Variants in MED27 observed in about 807,000 individuals in gnomAD.
The protein encoded by MED27 is mediator complex subunit 27.
MED27 carries 30 observed loss-of-function variants against 38.2 expected under a neutral mutation model. That is an observed-to-expected ratio of 0.79 (90% CI 0.59 to 1.07). The LOEUF (loss-of-function observed/expected upper bound fraction) is 1.07. Among genes scored for constraint, MED27 ranks in the 50% least tolerant of loss-of-function variants. MED27 has a pLI of 0.00. For missense variants in MED27, 289 were observed against 397.5 expected (o/e 0.73, Z 2.32); for synonymous variants, 122 against 153.5 (o/e 0.79, Z 1.52).
At chr9:131,956,148 G>A (rs74794944) in intron 3 of MED27, among the ~76,000 whole-genome samples, 182 of 152,248 alleles carry the variant, frequency 1.2e-3, no homozygotes, top group African/African-American at 4.1e-3. Flanking sequence ...ATGAACCTTG[G>A]GGAAATTACG....
In MED27 at chr9:131,862,474, T is replaced by C. The variant is rs1838668017; in HGVS notation, c.801+589A>G. 6.6e-6 allele frequency among the ~76,000 whole-genome samples: 1 copy of C among 152,156 alleles called. No individual in the cohort carries two copies. The highest frequency in any genetic ancestry group is 1.5e-5 in the Non-Finnish European group (1 of 68,028). On this transcript the variant is annotated intron_variant, in intron 7 of 7. Coordinates refer to ENST00000292035, the MANE Select transcript of MED27 (RefSeq NM_004269.4). The surrounding 1 kb of genome is among the most constrained non-coding windows in gnomAD (Gnocchi z 4.6). Reference sequence around the variant, plus strand: ...GGCGGCGTGATAAATGCTGATAAACTGGCCCTGGGGTTCGGGGGAAGTCCT... The same window carrying C: ...GGCGGCGTGATAAATGCTGATAAACCGGCCCTGGGGTTCGGGGGAAGTCCT...
intron 2 of MED27, among the ~76,000 whole-genome samples, chr9:132,042,352 T>C (rs568819288): frequency 4.6e-5 from 7 of 152,340 alleles, no homozygotes; most frequent in African/African-American, 1.7e-4. Context: ...CTCGAAAGTG[T>C]GTATACTGAT....
At chr9:131,877,964 C>A (rs1191886828) in intron 6 of MED27, among the ~76,000 whole-genome samples, 1 of 152,024 alleles carries the variant, frequency 6.6e-6, no homozygotes, top group East Asian at 1.9e-4. Context: ...CAGTTAGGGG[C>A]CAGTCTTGCA....
In MED27 at chr9:131,860,559, G is replaced by T; in HGVS notation, c.915C>A (p.Phe305Leu). 1.9e-6 allele frequency: 3 copies of T among 1,554,534 alleles called. No homozygotes were observed. The highest frequency in any genetic ancestry group is 1.7e-6 in the Non-Finnish European group (2 of 1,149,970). Residue 305 changes from phenylalanine to leucine, a missense_variant, in exon 8 of 8, where the codon TTC becomes TTA. By Grantham distance (22) the Phe-to-Leu change is conservative. Transcript: ENST00000292035. This position sits in a 1 kb window ranked among gnomAD's most constrained non-coding sequence, Gnocchi z 5.8. ...TWRDFRTLEA[F>L]HDTCRQ is the part of the protein sequence containing the mutation. ...GGGGCTACTGCCGGCAGGTGTCATG[G>T]AAGGCTTCGAGGGTTCGGAAATCCC...
chr9:131,904,113 C>G (rs1366102357), intron 4 of MED27, among the ~76,000 whole-genome samples: 4 of 152,116 alleles, frequency 2.6e-5, no homozygotes, highest in Non-Finnish European at 5.9e-5. Context: ...GTTGGTCAGG[C>G]TGGTCTCAAA....
intron 3 of MED27, among the ~76,000 whole-genome samples, chr9:131,980,812 T>C (rs890835730): frequency 2.6e-5 from 4 of 151,980 alleles, no homozygotes; most frequent in Non-Finnish European, 4.4e-5. Flanking sequence ...GAGAGCCTTC[T>C]TAGTTCAATG....
intron 2 of MED27, among the ~76,000 whole-genome samples, chr9:132,056,460 G>A (rs1247070822): frequency 6.6e-6 from 1 of 152,284 alleles, no homozygotes; most frequent in South Asian, 2.1e-4. Context: ...GGTACAAGTT[G>A]AGCATCCCAA....
At chr9:132,029,358 T>C (rs1186619268) in intron 2 of MED27, among the ~76,000 whole-genome samples, 1 of 152,210 alleles carries the variant, frequency 6.6e-6, no homozygotes, top group Non-Finnish European at 1.5e-5. Flanking sequence ...TTTTTAAAAC[T>C]AAGAGTAAAA....
At chr9:131,928,478 A>G (rs1830521945) in intron 4 of MED27, among the ~76,000 whole-genome samples, 1 of 152,252 alleles carries the variant, frequency 6.6e-6, no homozygotes, top group South Asian at 2.1e-4. Flanking sequence ...AGGAGGAAAG[A>G]CAGTCTTGAG....
intron 3 of MED27, among the ~76,000 whole-genome samples, chr9:131,996,954 T>G (rs1206317375): frequency 6.6e-6 from 1 of 152,250 alleles, no homozygotes; most frequent in Admixed American, 6.5e-5. Context: ...TAATCAACTA[T>G]GCCATTGGTA....
chr9:131,933,773 A>G (rs1441230484), intron 4 of MED27, among the ~76,000 whole-genome samples: 2 of 151,794 alleles, frequency 1.3e-5, no homozygotes, highest in African/African-American at 4.8e-5. Context: ...AAAGAAATAG[A>G]AAAAAAAATC....
At chr9:132,010,646 T>C (rs1305643140) in intron 3 of MED27, among the ~76,000 whole-genome samples, 2 of 152,198 alleles carry the variant, frequency 1.3e-5, no homozygotes, top group Non-Finnish European at 1.5e-5. Context: ...TGTCCATCAA[T>C]GATAGACTGG....
At chr9:132,077,092 G>A (rs941382639) in intron 2 of MED27, among the ~76,000 whole-genome samples, 1 of 152,132 alleles carries the variant, frequency 6.6e-6, no homozygotes, top group Non-Finnish European at 1.5e-5. Flanking sequence ...ATTCCTCTGC[G>A]AACCTGACAA....
At chr9:132,019,167 G>A (rs1832668036) in intron 2 of MED27, among the ~76,000 whole-genome samples, 2 of 152,218 alleles carry the variant, frequency 1.3e-5, no homozygotes, top group African/African-American at 2.4e-5. Context: ...GTCTGGGAGT[G>A]AAGCTGCCAC....
At chr9:131,994,629 T>C (rs563752559) in intron 3 of MED27, among the ~76,000 whole-genome samples, 5 of 152,338 alleles carry the variant, frequency 3.3e-5, no homozygotes, top group African/African-American at 1.2e-4. Flanking sequence ...CAGAACAATA[T>C]GGCCTCAGGT....
intron 2 of MED27, among the ~76,000 whole-genome samples, chr9:132,042,850 T>C (rs575256098): frequency 8.5e-5 from 13 of 152,332 alleles, no homozygotes; most frequent in Non-Finnish European, 1.5e-4. Flanking sequence ...TTTGGAACCA[T>C]GGTATTGATT....
At chr9:131,932,591 C>T (rs1050204360) in intron 4 of MED27, among the ~76,000 whole-genome samples, 20 of 151,658 alleles carry the variant, frequency 1.3e-4, no homozygotes, top group Non-Finnish European at 2.4e-4. Flanking sequence ...CTGAACAGAC[C>T]AATATCAAGT....
intron 2 of MED27, among the ~76,000 whole-genome samples, chr9:132,026,580 T>G (rs1038172364): frequency 3.3e-5 from 5 of 152,182 alleles, no homozygotes; most frequent in African/African-American, 7.2e-5. Flanking sequence ...TACGTGAGCA[T>G]TCAATAAAAA....
intron 5 of MED27, among the ~76,000 whole-genome samples, chr9:131,890,512 C>T (rs1261858380): frequency 6.6e-6 from 1 of 152,222 alleles, no homozygotes; most frequent in East Asian, 1.9e-4. Context: ...TATCCTCTGA[C>T]TTATTTACAA....
Sources: allele counts gnomAD v4.1 joint callset (sites outside exome capture counted in the v4.1 genomes callset), GRCh38; gene constraint gnomAD v4.1.1; non-coding constraint Gnocchi (gnomAD v3.1); transcripts MANE v1.5; gene names NCBI Gene and HGNC (gene_info 2026-07-23, HGNC 2026-07-21).